Variants in THSD4 observed in about 807,000 individuals in gnomAD.
The protein encoded by THSD4 is thrombospondin type 1 domain containing 4, also known as thrombospondin type-1 domain-containing protein 4.
THSD4 carries 69 observed loss-of-function variants against 119.0 expected under a neutral mutation model. The ratio of observed to expected loss-of-function variants is 0.58; its 90% confidence interval spans 0.48 to 0.71. The LOEUF (loss-of-function observed/expected upper bound fraction) is 0.71, where lower values mean the gene tolerates loss of function less well. Among genes scored for constraint, THSD4 ranks in the 30% least tolerant of loss-of-function variants. The pLI is 0.00. For missense variants in THSD4, 1,393 were observed against 1,391.1 expected (o/e 1.00, Z -0.02); for synonymous variants, 524 against 540.4 (o/e 0.97, Z 0.42).
At chr15:71,667,317 G>T (rs1020263583) in intron 8 of THSD4, among the ~76,000 whole-genome samples, 8 of 152,130 alleles carry the variant, frequency 5.3e-5, no homozygotes, top group African/African-American at 1.9e-4. Flanking sequence ...CTTAATAAAA[G>T]ATATTGTAAA....
At chr15:71,219,232 C>T (rs1401863508) in intron 4 of THSD4, among the ~76,000 whole-genome samples, 6 of 152,136 alleles carry the variant, frequency 3.9e-5, no homozygotes, top group East Asian at 1.9e-4. Flanking sequence ...CTGACACCCA[C>T]GTCACACTCC....
intron 6 of THSD4, among the ~76,000 whole-genome samples, chr15:71,363,008 G>A (rs2045913639): frequency 2.0e-5 from 3 of 150,412 alleles, no homozygotes; most frequent in South Asian, 2.1e-4. Context: ...AAGAAATCTC[G>A]TAATGTTTTA....
chr15:71,522,024 T>G (rs879436566), intron 7 of THSD4, among the ~76,000 whole-genome samples: 1 of 152,208 alleles, frequency 6.6e-6, no homozygotes, highest in Non-Finnish European at 1.5e-5. Flanking sequence ...TTGAATGTAC[T>G]AATATAAAAT....
intron 15 of THSD4, among the ~76,000 whole-genome samples, chr15:71,760,961 T>C (rs370185015): frequency 6.6e-6 from 1 of 152,248 alleles, no homozygotes; most frequent in Non-Finnish European, 1.5e-5. Flanking sequence ...TCAAACGTTC[T>C]ATGTATTTTT....
At chr15:71,581,699 G>A (rs1656566457) in intron 7 of THSD4, among the ~76,000 whole-genome samples, 1 of 152,072 alleles carries the variant, frequency 6.6e-6, no homozygotes, top group Non-Finnish European at 1.5e-5. Context: ...TGATTTTTGT[G>A]TAGAGATAAG....
At chr15:71,621,200 A>G in intron 7 of THSD4, among the ~76,000 whole-genome samples, 1 of 152,352 alleles carries the variant, frequency 6.6e-6, no homozygotes. Context: ...ACAATATATA[A>G]TTAAATGTGT....
intron 7 of THSD4, among the ~76,000 whole-genome samples, chr15:71,594,365 C>A (rs184353182): frequency 1.3e-5 from 2 of 152,218 alleles, no homozygotes; most frequent in East Asian, 3.9e-4. Context: ...TTTGCCACCA[C>A]GACTGGCTAA....
At position 71,391,662 on chromosome 15, in the gene THSD4, C is replaced by T. The variant is rs530710342; in HGVS notation, c.1016-20025C>T. Among the ~76,000 whole-genome samples the T allele has an allele frequency of 2.0e-4, 30 of 152,294 alleles. No homozygotes were observed. In the South Asian group the frequency reaches 2.1e-3, roughly 11 times the overall value. ...CCAGGTATCTGAGTCTGTAGTCACA[C>T]GCTTTCCATTGAATCTGAGTATGCT... On this transcript the variant is annotated intron_variant, in intron 6 of 17. Transcript: ENST00000261862.
At chr15:71,455,949 T>G (rs1014647912) in intron 7 of THSD4, among the ~76,000 whole-genome samples, 15 of 152,224 alleles carry the variant, frequency 9.9e-5, no homozygotes, top group African/African-American at 3.6e-4. Context: ...CCTCTCTTTC[T>G]GAGCCTGTCC....
intron 7 of THSD4, among the ~76,000 whole-genome samples, chr15:71,583,058 G>A (rs1335310539): frequency 6.6e-6 from 1 of 152,070 alleles, no homozygotes; most frequent in Non-Finnish European, 1.5e-5. Flanking sequence ...ATCCAATCTT[G>A]ACTTCTCATT....
chr15:71,758,665 G>A (rs1319202142), intron 15 of THSD4, among the ~76,000 whole-genome samples: 1 of 152,200 alleles, frequency 6.6e-6, no homozygotes, highest in Non-Finnish European at 1.5e-5. Context: ...GACTGCCTTG[G>A]TTTGATTATC....
chr15:71,172,428 T>C (rs796910943), intron 3 of THSD4, among the ~76,000 whole-genome samples: 1 of 151,892 alleles, frequency 6.6e-6, no homozygotes, highest in African/African-American at 2.4e-5. Flanking sequence ...AATTGACCTA[T>C]AGATTTAACA....
chr15:71,412,146 T>C (rs905947479), intron 7 of THSD4, among the ~76,000 whole-genome samples: 1 of 152,210 alleles, frequency 6.6e-6, no homozygotes, highest in Non-Finnish European at 1.5e-5. Context: ...ACGGAGGTTA[T>C]GGAAAGGGCA....
intron 6 of THSD4, among the ~76,000 whole-genome samples, chr15:71,357,509 G>A (rs554555603): frequency 1.3e-5 from 2 of 152,326 alleles, no homozygotes; most frequent in South Asian, 4.1e-4. Context: ...CAAGAGCCAT[G>A]GGTGCGGCTG....
At chr15:71,111,065 A>G, upstream of THSD4, 1 of 1,428,000 alleles carries the variant, frequency 7.0e-7, no homozygotes, top group Non-Finnish European at 9.5e-7. Flanking sequence ...GGCTGTGAGT[A>G]TTATCATTTG....
intron 7 of THSD4, among the ~76,000 whole-genome samples, chr15:71,468,249 T>G (rs1211990914): frequency 1.3e-5 from 2 of 152,184 alleles, no homozygotes; most frequent in Non-Finnish European, 2.9e-5. Context: ...CCACCATGAT[T>G]GTGAGGCCTC....
At chr15:71,357,774 G>C (rs112290797) in intron 6 of THSD4, among the ~76,000 whole-genome samples, 13 of 152,162 alleles carry the variant, frequency 8.5e-5, no homozygotes, top group African/African-American at 3.1e-4. Context: ...TAAATGTGGC[G>C]AGAAATGGAT....
chr15:71,349,178 A>C (rs948352744), intron 6 of THSD4, among the ~76,000 whole-genome samples: 2 of 152,176 alleles, frequency 1.3e-5, no homozygotes, highest in African/African-American at 4.8e-5. Context: ...AACTTCTCTG[A>C]CCTTCAGTAT....
intron 3 of THSD4, among the ~76,000 whole-genome samples, chr15:71,210,647 G>T (rs2043880928): frequency 6.6e-6 from 1 of 152,022 alleles, no homozygotes; most frequent in African/African-American, 2.4e-5. Context: ...GATCAAAGAT[G>T]GTCAAATATC....
Sources: allele counts gnomAD v4.1 joint callset (sites outside exome capture counted in the v4.1 genomes callset), GRCh38; gene constraint gnomAD v4.1.1; transcripts MANE v1.5; gene names NCBI Gene and HGNC (gene_info 2026-07-23, HGNC 2026-07-21).